Variants in STMN2 observed in about 807,000 individuals in gnomAD.
STMN2 encodes stathmin-2.
Under a neutral mutation model 24.1 loss-of-function variants are expected in STMN2, and 2 were observed. The observed-to-expected ratio is 0.08, with a 90% confidence interval of 0.03 to 0.26. The LOEUF (loss-of-function observed/expected upper bound fraction) is 0.26. Ranked by LOEUF, STMN2 falls within the 10% of genes least tolerant of loss-of-function variation. The pLI, the probability that STMN2 is intolerant of heterozygous loss-of-function variation, is 1.00. For missense variants in STMN2, 114 were observed against 213.6 expected, an observed-to-expected ratio of 0.53 and a Z score of 2.91; for synonymous variants, 83 against 77.5, an observed-to-expected ratio of 1.07 and a Z score of -0.37.
intron 3 of STMN2, among the ~76,000 whole-genome samples, chr8:79,642,874 A>G (rs995910243): frequency 9.3e-6 from 1 of 107,726 alleles, no homozygotes; most frequent in Non-Finnish European, 2.3e-5. Context: ...TGAGCATGTC[A>G]TATATATATA....
chr8:79,615,690 T>C (rs1328591578), intron 1 of STMN2, among the ~76,000 whole-genome samples: 1 of 152,144 alleles, frequency 6.6e-6, no homozygotes, highest in Non-Finnish European at 1.5e-5. Context: ...ATAAAATCTT[T>C]TCTTTTACCA....
intron 4 of STMN2, among the ~76,000 whole-genome samples, chr8:79,662,577 A>G (rs1204618327): frequency 2.6e-5 from 4 of 152,156 alleles, no homozygotes; most frequent in African/African-American, 9.6e-5. Flanking sequence ...TGTTCAAATA[A>G]TAGAGTGACT....
At chr8:79,620,830 T>C (rs1809499408) in intron 1 of STMN2, 1 of 242,968 alleles carries the variant, frequency 4.1e-6, no homozygotes, top group African/African-American at 2.3e-5. Flanking sequence ...TTTGAGGAGC[T>C]AGCCTCCACC....
intron 3 of STMN2, among the ~76,000 whole-genome samples, chr8:79,652,721 T>C (rs1398867530): frequency 6.6e-6 from 1 of 152,128 alleles, no homozygotes; most frequent in East Asian, 1.9e-4. Flanking sequence ...TTGCAAACAT[T>C]ATTTTGTTTG....
At chr8:79,643,840 T>A (rs535179813) in intron 3 of STMN2, among the ~76,000 whole-genome samples, 4 of 151,888 alleles carry the variant, frequency 2.6e-5, no homozygotes, top group African/African-American at 7.3e-5. Flanking sequence ...AAAAAAAAAA[T>A]TCCTTAGAAT....
chr8:79,648,453 C>CCTT (rs1810262878), intron 3 of STMN2, among the ~76,000 whole-genome samples: 1 of 97,914 alleles, frequency 1.0e-5, no homozygotes. Flanking sequence ...ATATACGTTG[C>CCTT]TTTTTTTTTT....
chr8:79,632,441 T>G (rs1408744315), intron 1 of STMN2, among the ~76,000 whole-genome samples: 1 of 152,148 alleles, frequency 6.6e-6, no homozygotes, highest in South Asian at 2.1e-4. Flanking sequence ...GCTAGACTAA[T>G]ATGATTGCAG....
At chr8:79,654,078 C>T (rs1037931672) in intron 3 of STMN2, among the ~76,000 whole-genome samples, 2 of 152,152 alleles carry the variant, frequency 1.3e-5, no homozygotes, top group Admixed American at 6.5e-5. Flanking sequence ...ACCTTGGAAT[C>T]AGAATCTTTG....
chr8:79,611,279 A>G, intron 1 of STMN2, 65 bp downstream of exon 1: 2 of 1,591,778 alleles, frequency 1.3e-6, no homozygotes, highest in Non-Finnish European at 8.6e-7. Context: ...TCCTCTCTTG[A>G]GCTCTAGAAG....
chr8:79,644,239 T>C (rs567368052), intron 3 of STMN2, among the ~76,000 whole-genome samples: 1 of 152,332 alleles, frequency 6.6e-6, no homozygotes, highest in Non-Finnish European at 1.5e-5. Flanking sequence ...TAGGAGTGGC[T>C]ACAGCATCAG....
chr8:79,657,541 G>A (rs573802902), intron 4 of STMN2, among the ~76,000 whole-genome samples: 77 of 152,252 alleles, frequency 5.1e-4, no homozygotes, highest in African/African-American at 1.8e-3. Context: ...AGAACTAGTG[G>A]TTCGTAGCCT....
At chr8:79,611,271 C>G in intron 1 of STMN2, 57 bp downstream of exon 1, 1 of 1,601,386 alleles carries the variant, frequency 6.2e-7, no homozygotes, top group South Asian at 1.1e-5. Flanking sequence ...CTCTCACCTC[C>G]TCTCTTGAGC....
At chr8:79,645,459 T>TA (rs1810197826) in intron 3 of STMN2, among the ~76,000 whole-genome samples, 1 of 152,206 alleles carries the variant, frequency 6.6e-6, no homozygotes. Flanking sequence ...GTAGCACAGA[T>TA]ACGGATATTA....
At chr8:79,638,346 G>A (rs1810014575) in intron 2 of STMN2, among the ~76,000 whole-genome samples, 1 of 152,206 alleles carries the variant, frequency 6.6e-6, no homozygotes, top group Admixed American at 6.5e-5. Context: ...TTATGTGTGA[G>A]CTGATTCTTG....
chr8:79,625,485 T>G (rs904798414), intron 1 of STMN2, among the ~76,000 whole-genome samples: 38 of 152,208 alleles, frequency 2.5e-4, no homozygotes, highest in African/African-American at 8.9e-4. Flanking sequence ...CTGACCCAAG[T>G]TGACTTTGTT....
intron 1 of STMN2, among the ~76,000 whole-genome samples, chr8:79,626,399 G>A (rs964516207): frequency 2.0e-5 from 3 of 152,122 alleles, no homozygotes; most frequent in Admixed American, 6.5e-5. Flanking sequence ...TTGCCTCTAC[G>A]CCAAGAAATT....
intron 1 of STMN2, among the ~76,000 whole-genome samples, chr8:79,622,874 C>A (rs893589816): frequency 1.3e-5 from 2 of 152,166 alleles, no homozygotes; most frequent in Non-Finnish European, 2.9e-5. Context: ...CATACACACA[C>A]ACAGAACCTC....
intron 2 of STMN2, among the ~76,000 whole-genome samples, chr8:79,638,148 A>G (rs1274627334): frequency 1.3e-5 from 2 of 152,232 alleles, no homozygotes; most frequent in East Asian, 3.8e-4. Flanking sequence ...CTAATGTCGA[A>G]CTATGGGTTG....
intron 4 of STMN2, among the ~76,000 whole-genome samples, chr8:79,659,914 G>T (rs1016320290): frequency 6.6e-6 from 1 of 152,078 alleles, no homozygotes; most frequent in Non-Finnish European, 1.5e-5. Context: ...AGCTTTTATA[G>T]TTGACTCACC....
Sources: gnomAD v4.1 joint callset for allele counts (sites outside exome capture counted in the v4.1 genomes callset) on GRCh38, gnomAD v4.1.1 for gene constraint, MANE v1.5 for transcripts, NCBI Gene and HGNC (gene_info 2026-07-23, HGNC 2026-07-21) for gene names.